Variants in MEIS1 observed in about 807,000 individuals in gnomAD.
MEIS1 encodes Meis homeobox 1.
In MEIS1, 5 loss-of-function variants were observed where a neutral mutation model predicts 50.8. The observed-to-expected ratio is 0.10, with a 90% CI of 0.05 to 0.21. MEIS1 has a LOEUF of 0.21. Among genes scored for constraint, MEIS1 ranks in the 10% least tolerant of loss-of-function variants. The probability of loss-of-function intolerance (pLI) is 1.00; values close to 1 mark genes in which losing one functional copy is unlikely to be tolerated. For synonymous variants in MEIS1, 176 were observed against 179.3 expected, an observed-to-expected ratio of 0.98 and a Z score of 0.15; for missense variants, 318 against 517.3, an observed-to-expected ratio of 0.61 and a Z score of 3.74.
At chr2:66,465,059 A>T (rs1678659633) in intron 7 of MEIS1, among the ~76,000 whole-genome samples, 1 of 152,194 alleles carries the variant, frequency 6.6e-6, no homozygotes, top group East Asian at 1.9e-4. Context: ...CAGTAGGTAC[A>T]TACTTTAAAA....
intron 7 of MEIS1, among the ~76,000 whole-genome samples, chr2:66,488,873 G>T (rs142668759): frequency 1.8e-3 from 278 of 152,232 alleles, no homozygotes; most frequent in African/African-American, 6.3e-3. Flanking sequence ...TTAATAAATG[G>T]CATTAAAAGC....
chr2:66,554,444 C>T (rs184005164), intron 9 of MEIS1, among the ~76,000 whole-genome samples: 3 of 152,270 alleles, frequency 2.0e-5, no homozygotes, highest in African/African-American at 4.8e-5. Context: ...AGAGGTGTCA[C>T]GGTCAAGGGG....
intron 8 of MEIS1, among the ~76,000 whole-genome samples, chr2:66,543,294 C>G (rs940860709): frequency 2.6e-5 from 4 of 152,140 alleles, no homozygotes; most frequent in Non-Finnish European, 4.4e-5. Flanking sequence ...TCACTCTATA[C>G]TGGTTCATTA....
intron 7 of MEIS1, among the ~76,000 whole-genome samples, chr2:66,467,399 C>G (rs968577680): frequency 3.3e-5 from 5 of 152,024 alleles, no homozygotes; most frequent in African/African-American, 1.2e-4. Flanking sequence ...GAGTTCAAGA[C>G]CAGCCTGGCC....
intron 6 of MEIS1, among the ~76,000 whole-genome samples, chr2:66,449,447 G>C (rs1180325584): frequency 2.0e-5 from 3 of 152,056 alleles, no homozygotes; most frequent in Non-Finnish European, 4.4e-5. Context: ...GTGTGTCCAT[G>C]TAGTGTAAAA....
At chr2:66,452,577 GCTTCTAA>G (rs1672300015) in intron 6 of MEIS1, among the ~76,000 whole-genome samples, 1 of 151,856 alleles carries the variant, frequency 6.6e-6, no homozygotes, top group African/African-American at 2.4e-5. Flanking sequence ...CTTGGCTCTA[GCTTCTAA>G]CAAAGAGAAA....
intron 9 of MEIS1, 45 bp downstream of exon 9, chr2:66,548,064 C>G (rs1316640172): frequency 6.3e-7 from 1 of 1,578,368 alleles, no homozygotes; most frequent in African/African-American, 1.4e-5. Flanking sequence ...GTTTCCCCCT[C>G]TGGCAACCTG....
intron 7 of MEIS1, among the ~76,000 whole-genome samples, chr2:66,510,812 A>G (rs886910300): frequency 2.0e-5 from 3 of 152,244 alleles, no homozygotes; most frequent in Non-Finnish European, 2.9e-5. Flanking sequence ...TTAGACAGAA[A>G]TAACTGAAAT....
chr2:66,495,069 C>T (rs763728042), intron 7 of MEIS1, among the ~76,000 whole-genome samples: 1 of 148,554 alleles, frequency 6.7e-6, no homozygotes, highest in Non-Finnish European at 1.5e-5. Context: ...GCCCACTTTC[C>T]CTCTTCTGAC....
intron 9 of MEIS1, among the ~76,000 whole-genome samples, chr2:66,557,570 A>C (rs753314478): frequency 1.3e-5 from 2 of 152,208 alleles, no homozygotes; most frequent in Non-Finnish European, 2.9e-5. Context: ...ACTAAGCATA[A>C]TGTTTGCAAG....
chr2:66,458,858 G>T (rs975117750), intron 6 of MEIS1, among the ~76,000 whole-genome samples: 2 of 152,176 alleles, frequency 1.3e-5, no homozygotes, highest in Non-Finnish European at 2.9e-5. Context: ...AGAACACAAT[G>T]CCAGGTGACA....
chr2:66,468,052 G>A (rs1474475579), intron 7 of MEIS1, among the ~76,000 whole-genome samples: 1 of 152,192 alleles, frequency 6.6e-6, no homozygotes, highest in African/African-American at 2.4e-5. Context: ...ATATTGAAGA[G>A]TAACTCTCAA....
intron 6 of MEIS1, among the ~76,000 whole-genome samples, chr2:66,451,573 C>T (rs1672276630): frequency 6.6e-6 from 1 of 152,076 alleles, no homozygotes; most frequent in East Asian, 1.9e-4. Context: ...TTAATGTCTC[C>T]AAAACTATTT....
intron 9 of MEIS1, 126 bp from the exon 10 acceptor site, chr2:66,567,327 A>G: frequency 1.1e-6 from 1 of 929,358 alleles, no homozygotes; most frequent in South Asian, 1.4e-5. Context: ...AGCAATGGAG[A>G]GAACTGAAGG....
intron 8 of MEIS1, among the ~76,000 whole-genome samples, chr2:66,534,246 A>G (rs1674464884): frequency 6.6e-6 from 1 of 152,134 alleles, no homozygotes; most frequent in Admixed American, 6.5e-5. Context: ...TCTTAAAACC[A>G]ATTTTTGGGC....
At chr2:66,555,000 A>G (rs1419846480) in intron 9 of MEIS1, among the ~76,000 whole-genome samples, 3 of 152,210 alleles carry the variant, frequency 2.0e-5, no homozygotes, top group Non-Finnish European at 4.4e-5. Flanking sequence ...AGGGCATGAC[A>G]GATAATAGGC....
At chr2:66,496,882 T>G (rs1673418245) in intron 7 of MEIS1, among the ~76,000 whole-genome samples, 1 of 152,108 alleles carries the variant, frequency 6.6e-6, no homozygotes, top group Non-Finnish European at 1.5e-5. Flanking sequence ...CATCCTCCCA[T>G]TCTTGTGAAC....
chr2:66,446,461 G>A (rs960113589), intron 6 of MEIS1, among the ~76,000 whole-genome samples: 23 of 152,154 alleles, frequency 1.5e-4, no homozygotes, highest in African/African-American at 5.5e-4. Context: ...CACGCCTGCC[G>A]GTAGCGAGCC....
intron 8 of MEIS1, among the ~76,000 whole-genome samples, chr2:66,530,731 G>C (rs1674371961): frequency 6.6e-6 from 1 of 151,772 alleles, no homozygotes; most frequent in Non-Finnish European, 1.5e-5. Context: ...AAAAAAATTA[G>C]TACCATGGGG....
Sources: allele counts gnomAD v4.1 joint callset (sites outside exome capture counted in the v4.1 genomes callset), GRCh38; gene constraint gnomAD v4.1.1; transcripts MANE v1.5; gene names NCBI Gene and HGNC (gene_info 2026-07-23, HGNC 2026-07-21).